ANO2: variants seen among roughly 807,000 people sequenced by gnomAD.
The protein encoded by ANO2 is anoctamin 2.
Under a neutral mutation model 124.2 loss-of-function variants are expected in ANO2, and 101 were observed. That is an observed-to-expected ratio of 0.81 (90% CI 0.69 to 0.96). The LOEUF (loss-of-function observed/expected upper bound fraction) is 0.96. Among genes scored for constraint, ANO2 ranks in the 40% least tolerant of loss-of-function variants. ANO2 has a pLI of 0.00. For missense variants in ANO2, 1,293 were observed against 1,274.5 expected (o/e 1.01, Z -0.22); for synonymous variants, 486 against 482.5 (o/e 1.01, Z -0.09).
At chr12:5,836,451 C>A (rs974106203) in intron 4 of ANO2, among the ~76,000 whole-genome samples, 1 of 152,224 alleles carries the variant, frequency 6.6e-6, no homozygotes, top group African/African-American at 2.4e-5. Flanking sequence ...TGTGTTCTAT[C>A]TGACATTTCT....
At chr12:5,631,180 T>C (rs1074027) in intron 16 of ANO2, among the ~76,000 whole-genome samples, 105,627 of 152,144 alleles carry the variant, frequency 0.69, 36,783 homozygotes, top group East Asian at 0.81. Flanking sequence ...CATATATGTG[T>C]GATGCGGTAA....
intron 3 of ANO2, among the ~76,000 whole-genome samples, chr12:5,872,422 G>T (rs1302227054): frequency 6.6e-6 from 1 of 152,090 alleles, no homozygotes; most frequent in Non-Finnish European, 1.5e-5. Context: ...AGGTACTGGA[G>T]GCTGATGAAT....
intron 10 of ANO2, among the ~76,000 whole-genome samples, chr12:5,789,128 G>A (rs997066104): frequency 6.6e-6 from 1 of 151,840 alleles, no homozygotes; most frequent in Non-Finnish European, 1.5e-5. Flanking sequence ...AAAAGGAGAG[G>A]GATAGAAGCA....
upstream of ANO2, among the ~76,000 whole-genome samples, chr12:5,945,472 G>A (rs1403266409): frequency 6.6e-6 from 1 of 152,238 alleles, no homozygotes; most frequent in African/African-American, 2.4e-5. Flanking sequence ...GCCGGGTTGA[G>A]TCCAGGACAC....
At chr12:5,861,170 G>C (rs1022149917) in intron 3 of ANO2, among the ~76,000 whole-genome samples, 1 of 152,148 alleles carries the variant, frequency 6.6e-6, no homozygotes, top group African/African-American at 2.4e-5. Flanking sequence ...AGTCTGTGCT[G>C]CATAAGCATA....
chr12:5,822,576 C>T (rs1467383562), intron 7 of ANO2, among the ~76,000 whole-genome samples: 2 of 152,212 alleles, frequency 1.3e-5, no homozygotes, highest in Non-Finnish European at 2.9e-5. Flanking sequence ...AATTTGCCAG[C>T]AGCAGAGACC....
At chr12:5,797,439 G>C (rs1489211907) in intron 10 of ANO2, among the ~76,000 whole-genome samples, 3 of 152,138 alleles carry the variant, frequency 2.0e-5, no homozygotes, top group Non-Finnish European at 2.9e-5. Flanking sequence ...AAGCAAGTTG[G>C]GACCATTTGG....
chr12:5,660,479 C>T (rs933603089), intron 14 of ANO2, among the ~76,000 whole-genome samples: 1 of 112,102 alleles, frequency 8.9e-6, no homozygotes, highest in African/African-American at 3.7e-5. Flanking sequence ...CTCCTCTCCT[C>T]ACTCTCCACC....
chr12:5,773,220 C>T (rs188914133), intron 10 of ANO2, among the ~76,000 whole-genome samples: 62 of 152,346 alleles, frequency 4.1e-4, no homozygotes, highest in African/African-American at 1.4e-3. Context: ...AACAGCCCTC[C>T]CATTGTTGCT....
intron 14 of ANO2, among the ~76,000 whole-genome samples, chr12:5,676,907 AAC>A (rs1406220559): frequency 6.6e-6 from 1 of 152,082 alleles, no homozygotes; most frequent in African/African-American, 2.4e-5. Flanking sequence ...TACAAAAATT[AAC>A]CAGGCGTGGT....
At position 5,635,074 on chromosome 12, in the gene ANO2, T is replaced by A; in HGVS notation, c.1816+78A>T. 1.5e-6 allele frequency: 2 copies of A among 1,307,252 alleles called. No individual in the cohort carries two copies. The highest frequency in any genetic ancestry group is 1.7e-5 in the South Asian group (1 of 57,210). 81.0% of individuals were successfully genotyped at this position (1,307,252 alleles called of 1,614,324 possible). A position where few individuals can be genotyped will look rare whatever the true frequency, so the allele number is the denominator to read the frequency against. ...GCATCCTGTCCCTGTCCCATTTTTT[T>A]TATTTTATCACCAAAAGCCTTGCAC... On this transcript the variant is annotated intron_variant, in intron 16 of 24. Coordinates refer to ENST00000682330, the MANE Select transcript of ANO2 (RefSeq NM_001364791.2). The surrounding 1 kb of genome is among the most constrained non-coding windows in gnomAD (Gnocchi z 5.2).
intron 9 of ANO2, among the ~76,000 whole-genome samples, chr12:5,800,562 G>C (rs1205933304): frequency 6.6e-6 from 1 of 152,190 alleles, no homozygotes; most frequent in East Asian, 1.9e-4. Flanking sequence ...GTAAGAACTA[G>C]TTGATTCTGC....
At chr12:5,773,176 A>G (rs1952134348) in intron 10 of ANO2, among the ~76,000 whole-genome samples, 1 of 152,028 alleles carries the variant, frequency 6.6e-6, no homozygotes, top group Admixed American at 6.6e-5. Context: ...TTCTGTAGTC[A>G]CTCCTTCTCT....
chr12:5,695,709 C>T (rs1367941657), intron 14 of ANO2, among the ~76,000 whole-genome samples: 5 of 152,144 alleles, frequency 3.3e-5, no homozygotes, highest in Non-Finnish European at 7.3e-5. Context: ...GGCCTGGTGG[C>T]GCGTGCCTGT....
In ANO2 at chr12:5,576,827, T is replaced by A. The variant is rs150132310; in HGVS notation, c.2440-812A>T. On this transcript the variant is annotated intron_variant, in intron 22 of 24. Coordinates refer to ENST00000682330, the MANE Select transcript of ANO2 (RefSeq NM_001364791.2). ...GTTCAGATATTGTTCTCTAAATGTG[T>A]ATGTGAATGTGAACGGCCAGAACCA... 3.3e-5 allele frequency among the ~76,000 whole-genome samples: 5 copies of A among 152,368 alleles called. No homozygotes were observed. The East Asian group carries it at 9.6e-4, about 29-fold the overall frequency.
chr12:5,612,660 C>T lies in ANO2; in HGVS notation c.2083G>A (p.Val695Ile), dbSNP rs1441359754. The T allele has an allele frequency of 1.9e-6, 3 of 1,613,668 alleles. No individual in the cohort carries two copies. The highest frequency in any genetic ancestry group is 2.5e-6 in the Non-Finnish European group (3 of 1,179,754). Residue 695 changes from valine to isoleucine, a missense_variant, in exon 19 of 25, where the codon GTC (valine) becomes ATC (isoleucine). Coordinates refer to ENST00000682330, the MANE Select transcript of ANO2 (RefSeq NM_001364791.2). ...TTAGAGGAGTTCATTACATACGGGA[C>T]TCCAATCTCAAAGATGTTGTTCTGG... ...LIQNNIFEIG[V>I]PKLKKLFRKL... is the part of the protein sequence containing the mutation.
chr12:5,773,192 C>T (rs1381636599), intron 10 of ANO2, among the ~76,000 whole-genome samples: 1 of 152,250 alleles, frequency 6.6e-6, no homozygotes, highest in African/African-American at 2.4e-5. Flanking sequence ...TCTCTTGTCC[C>T]TTCCTGCCAG....
At chr12:5,784,771 C>T (rs528892408) in intron 10 of ANO2, among the ~76,000 whole-genome samples, 28 of 152,206 alleles carry the variant, frequency 1.8e-4, no homozygotes, top group African/African-American at 6.0e-4. Flanking sequence ...ACTCCCCAGA[C>T]GTGCTGTTCA....
At chr12:5,596,892 A>C (rs1289339107) in intron 20 of ANO2, among the ~76,000 whole-genome samples, 1 of 152,078 alleles carries the variant, frequency 6.6e-6, no homozygotes, top group Non-Finnish European at 1.5e-5. Context: ...CACAGATACT[A>C]ATTCATTCAC....
Sources: gnomAD v4.1 joint callset for allele counts (sites outside exome capture counted in the v4.1 genomes callset) on GRCh38, gnomAD v4.1.1 for gene constraint, Gnocchi (gnomAD v3.1) non-coding constraint, MANE v1.5 for transcripts, NCBI Gene and HGNC (gene_info 2026-07-23, HGNC 2026-07-21) for gene names.